The following C8orf34 variants were observed in gnomAD, a reference collection of about 807,000 sequenced individuals.
C8orf34 encodes uncharacterized protein C8orf34.
In C8orf34, 65 loss-of-function variants were observed where a neutral mutation model predicts 68.3. That is an observed-to-expected ratio of 0.95 (90% confidence interval 0.78 to 1.17). The LOEUF is 1.17. Among genes scored for constraint, C8orf34 ranks in the 50% most tolerant of loss-of-function variants. C8orf34 has a pLI of 0.00. For synonymous variants in C8orf34, 244 were observed against 241.2 expected (o/e 1.01, Z -0.11); for missense variants, 664 against 655.4 (o/e 1.01, Z -0.14).
At chr8:68,532,916 A>G in intron 6 of C8orf34, 67 bp from the exon 7 acceptor site, 1 of 1,190,882 alleles carries the variant, frequency 8.4e-7, no homozygotes, top group Non-Finnish European at 1.2e-6. Context: ...TAAAATAACC[A>G]AATGGAAATT....
chr8:68,331,332 T>C lies in C8orf34; in HGVS notation c.320T>C (p.Leu107Pro), dbSNP rs773733886. Residue 107 changes from leucine (L) to proline (P), a missense_variant, in exon 1 of 14, where the codon CTG becomes CCG. Leu to Pro is a moderately conservative substitution (Grantham distance 98). Transcript: ENST00000518698. ...CTGGAGAAGAACAAGATCGGTCCCC[T>C]GTTTGAGGTAAGGCGCTGTGGAGGA... ...AYLEKNKIGP[L>P]FEELMTKLIT... 3.9e-6 allele frequency: 6 copies of C among 1,536,262 alleles called. No homozygotes were observed. The highest frequency in any genetic ancestry group is 1.4e-5 in the African/African-American group (1 of 73,050).
intron 1 of C8orf34, among the ~76,000 whole-genome samples, chr8:68,423,692 G>C (rs1366422851): frequency 6.6e-6 from 1 of 152,006 alleles, no homozygotes; most frequent in Non-Finnish European, 1.5e-5. Flanking sequence ...ATCTCGGTAT[G>C]AATTTACTGT....
intron 8 of C8orf34, among the ~76,000 whole-genome samples, chr8:68,682,775 T>C (rs1820406609): frequency 2.0e-5 from 2 of 100,450 alleles, no homozygotes; most frequent in South Asian, 3.1e-4. Flanking sequence ...AAAATTAACT[T>C]TAGAACATAG....
intron 6 of C8orf34, among the ~76,000 whole-genome samples, chr8:68,528,666 G>A (rs755655032): frequency 2.2e-4 from 34 of 152,140 alleles, no homozygotes; most frequent in Non-Finnish European, 3.5e-4. Flanking sequence ...AACTCCAGGG[G>A]CACACTGGTG....
Position 68,811,443 on chromosome 8 carries a change from A to C in C8orf34, c.1550-4443A>C, listed in dbSNP as rs1395477082. 3.9e-5 allele frequency among the ~76,000 whole-genome samples: 6 copies of C among 152,228 alleles called. No homozygotes were observed. In the East Asian group the frequency reaches 7.8e-4, roughly 20 times the overall value. On this transcript the variant is annotated intron_variant, in intron 12 of 13. Coordinates refer to ENST00000518698, the MANE Select transcript of C8orf34 (RefSeq NM_052958.4). ...CCTGTGCCCTTTGGGCGGGGCTCCC[A>C]CCCTGCCAACTCAGACGCAGGCAGC...
chr8:68,572,770 G>C (rs1235335464), intron 7 of C8orf34, among the ~76,000 whole-genome samples: 1 of 152,106 alleles, frequency 6.6e-6, no homozygotes, highest in Admixed American at 6.6e-5. Context: ...GTTCTTGAAA[G>C]TGCTAAGTTT....
intron 1 of C8orf34, among the ~76,000 whole-genome samples, chr8:68,401,540 T>G (rs767156528): frequency 6.6e-6 from 1 of 152,098 alleles, no homozygotes; most frequent in Non-Finnish European, 1.5e-5. Flanking sequence ...ATTATTTGGA[T>G]GTGTGTTCCT....
At chr8:68,805,557 A>G (rs1475128817) in intron 12 of C8orf34, among the ~76,000 whole-genome samples, 15 of 152,164 alleles carry the variant, frequency 9.9e-5, no homozygotes, top group Admixed American at 9.8e-4. Flanking sequence ...CTTCCTGGTG[A>G]ATTGAACTTT....
At chr8:68,462,762 T>C (rs960305044) in intron 3 of C8orf34, among the ~76,000 whole-genome samples, 1 of 151,722 alleles carries the variant, frequency 6.6e-6, no homozygotes, top group African/African-American at 2.4e-5. Flanking sequence ...AGACACAACA[T>C]ACCAGAATCT....
In C8orf34 at chr8:68,354,785, G is replaced by A. The variant is rs146191775; in HGVS notation, c.327+23446G>A. The stretch of plus-strand genomic sequence containing the variant: ...ATTATATCATGCCCTGTATCTCAAA[G>A]TAGATCGTAAAGTCTTGAGGGTGGA... On this transcript the variant is annotated intron_variant, in intron 1 of 13. Coordinates refer to ENST00000518698, the MANE Select transcript of C8orf34 (RefSeq NM_052958.4). 3.9e-3 allele frequency among the ~76,000 whole-genome samples: 595 copies of A among 152,202 alleles called. 2 individuals are homozygous for A. Among genetic ancestry groups the A allele is most frequent in the Non-Finnish European group, 6.6e-3 (446 of 68,002 alleles).
At chr8:68,636,723 C>T (rs543199876) in intron 7 of C8orf34, among the ~76,000 whole-genome samples, 1 of 152,238 alleles carries the variant, frequency 6.6e-6, no homozygotes, top group Non-Finnish European at 1.5e-5. Flanking sequence ...TCTGTTGTAT[C>T]CTTAGTCAAT....
intron 8 of C8orf34, among the ~76,000 whole-genome samples, chr8:68,670,820 C>A (rs1246818409): frequency 6.6e-6 from 1 of 152,096 alleles, no homozygotes; most frequent in African/African-American, 2.4e-5. Flanking sequence ...TTTCAGTAAA[C>A]CTTCAATGAG....
At chr8:68,709,193 G>A in intron 9 of C8orf34, 114 bp downstream of exon 9, 1 of 751,342 alleles carries the variant, frequency 1.3e-6, no homozygotes, top group Non-Finnish European at 2.3e-6. Flanking sequence ...CACTGCAGCT[G>A]CACGTCACAT....
At chr8:68,634,633 T>A (rs1450176308) in intron 7 of C8orf34, among the ~76,000 whole-genome samples, 1 of 152,162 alleles carries the variant, frequency 6.6e-6, no homozygotes, top group East Asian at 1.9e-4. Flanking sequence ...AGACCTAGAT[T>A]GTATTTTATT....
Position 68,455,323 on chromosome 8 carries a change from G to A in C8orf34, c.607+8863G>A, listed in dbSNP as rs532261455. Among the ~76,000 whole-genome samples the A allele has an allele frequency of 7.4e-4, 113 of 152,108 alleles. 1 individual carries two copies. The highest frequency in any genetic ancestry group is 2.6e-3 in the African/African-American group (107 of 41,524). On this transcript the variant is annotated intron_variant, in intron 3 of 13. Coordinates refer to ENST00000518698, the MANE Select transcript of C8orf34 (RefSeq NM_052958.4). ...TCTTCCTTCTATTTGCTCCGTTATCGAAAGTGGGGATTTTAAAGTCCACTA... is the reference window on the plus strand; with the variant it reads ...TCTTCCTTCTATTTGCTCCGTTATCAAAAGTGGGGATTTTAAAGTCCACTA...
chr8:68,537,173 C>T (rs1350047815), intron 7 of C8orf34, among the ~76,000 whole-genome samples: 1 of 152,040 alleles, frequency 6.6e-6, no homozygotes, highest in African/African-American at 2.4e-5. Context: ...GAAATGAATG[C>T]TGTCACTGAA....
intron 7 of C8orf34, among the ~76,000 whole-genome samples, chr8:68,564,829 A>AAG (rs1243399521): frequency 6.6e-6 from 1 of 152,140 alleles, no homozygotes; most frequent in African/African-American, 2.4e-5. Context: ...TGTTCTTCTG[A>AAG]AGTGAGAGAG....
chr8:68,778,411 T>C (rs1196092616), intron 11 of C8orf34, among the ~76,000 whole-genome samples: 1 of 152,172 alleles, frequency 6.6e-6, no homozygotes, highest in Non-Finnish European at 1.5e-5. Flanking sequence ...GAACAGCTCT[T>C]TGCAGATCAA....
At chr8:68,565,600 G>A (rs758265661) in intron 7 of C8orf34, among the ~76,000 whole-genome samples, 2 of 151,620 alleles carry the variant, frequency 1.3e-5, no homozygotes, top group Non-Finnish European at 2.9e-5. Context: ...AATGGTGACA[G>A]CAGAATGAGT....
Sources: gnomAD v4.1 joint callset for allele counts (sites outside exome capture counted in the v4.1 genomes callset) on GRCh38, gnomAD v4.1.1 for gene constraint, MANE v1.5 for transcripts, NCBI Gene and HGNC (gene_info 2026-07-23, HGNC 2026-07-21) for gene names.